The following CDO1 variants were observed in gnomAD, a reference collection of about 807,000 sequenced individuals.
CDO1 encodes cysteine dioxygenase, type I.
CDO1 carries 19 observed loss-of-function variants against 24.5 expected under a neutral mutation model. The ratio of observed to expected loss-of-function variants is 0.77; its 90% CI spans 0.54 to 1.14. The LOEUF (loss-of-function observed/expected upper bound fraction) is 1.14, where lower values mean the gene tolerates loss of function less well. Among genes scored for constraint, CDO1 ranks in the 50% most tolerant of loss-of-function variants. The probability of loss-of-function intolerance (pLI) is 0.00; values close to 1 mark genes in which losing one functional copy is unlikely to be tolerated. For missense variants in CDO1, 244 were observed against 244.8 expected, an observed-to-expected ratio of 1.00 and a Z score of 0.02; for synonymous variants, 91 against 87.0, an observed-to-expected ratio of 1.05 and a Z score of -0.26.
In CDO1 at chr5:115,811,240, G is replaced by T; in HGVS notation, c.324C>A (p.Ala108=). The change falls in exon 3 of 5, where the codon GCC becomes GCA. Residue 108 remains alanine (A), a synonymous_variant. Transcript: ENST00000250535. ...TCTCATTGGATTTTTTGTCAGGCCA[G>T]GCAAATAATGTCTCCTTTAGATTTC... ...LQGNLKETLF[A]WPDKKSNEMV... 1 of 1,613,446 alleles carries T rather than the reference G, an allele frequency of 6.2e-7. No homozygotes were observed. Among genetic ancestry groups the T allele is most frequent in the Non-Finnish European group, 8.5e-7 (1 of 1,179,468 alleles).
At chr5:115,810,178 T>C (rs757723456) in intron 3 of CDO1, among the ~76,000 whole-genome samples, 4 of 152,308 alleles carry the variant, frequency 2.6e-5, no homozygotes, top group Admixed American at 1.3e-4. Flanking sequence ...GCCTTATAGA[T>C]AGCAACCCTC....
intron 2 of CDO1, among the ~76,000 whole-genome samples, chr5:115,812,139 C>A (rs1306220888): frequency 6.6e-6 from 1 of 152,106 alleles, no homozygotes; most frequent in African/African-American, 2.4e-5. Flanking sequence ...AGTCTAGTCC[C>A]ACTCTGGACA....
At chr5:115,815,800 G>C (rs1035197537) in intron 1 of CDO1, among the ~76,000 whole-genome samples, 3 of 152,218 alleles carry the variant, frequency 2.0e-5, no homozygotes, top group Non-Finnish European at 4.4e-5. Context: ...TAAGGTGTCA[G>C]GAGGGCCCGA....
intron 3 of CDO1, among the ~76,000 whole-genome samples, chr5:115,806,826 G>A (rs748546080): frequency 1.3e-5 from 2 of 152,156 alleles, no homozygotes; most frequent in Non-Finnish European, 2.9e-5. Flanking sequence ...GCTTTACAGA[G>A]CAGAGAAAGC....
At chr5:115,815,963 C>A (rs896214634) in intron 1 of CDO1, among the ~76,000 whole-genome samples, 3 of 152,244 alleles carry the variant, frequency 2.0e-5, no homozygotes, top group African/African-American at 4.8e-5. Flanking sequence ...CGCAGACGCG[C>A]GGTGGCCTCC....
In CDO1 at chr5:115,806,335, G is replaced by A. The variant is rs186288688; in HGVS notation, c.573+14C>T. On this transcript the variant is annotated intron_variant, in intron 4 of 4. Transcript: ENST00000250535. The stretch of plus-strand genomic sequence containing the variant: ...ACCTACAGAGCATTTAAACCTAGAA[G>A]AAATTATACTCACATTTGGAGTTCT... 3.4e-4 allele frequency: 535 copies of A among 1,587,370 alleles called. No homozygotes were observed. Among genetic ancestry groups the A allele is most frequent in the Middle Eastern group, 2.5e-3 (15 of 5,972 alleles).
At chr5:115,811,625 T>C (rs1055279664) in intron 2 of CDO1, among the ~76,000 whole-genome samples, 8 of 152,214 alleles carry the variant, frequency 5.3e-5, no homozygotes, top group Non-Finnish European at 1.0e-4. Context: ...CAACACTTTA[T>C]CTTCCCCCAA....
chr5:115,813,426 C>A (rs570226434), intron 1 of CDO1, among the ~76,000 whole-genome samples, 168 bp from the exon 2 acceptor site: 2 of 152,228 alleles, frequency 1.3e-5, no homozygotes, highest in South Asian at 4.1e-4. Context: ...ATGAAAAATC[C>A]TTTTTCACAG....
chr5:115,808,729 AAAACAAAAC>A (rs1233646475), intron 3 of CDO1, among the ~76,000 whole-genome samples: 1 of 145,106 alleles, frequency 6.9e-6, no homozygotes, highest in East Asian at 1.9e-4. Context: ...ACACAAAAAC[AAAACAAAAC>A]AAACAAAACA....
chr5:115,814,637 G>C (rs4920894), intron 1 of CDO1, among the ~76,000 whole-genome samples: 17,460 of 152,146 alleles, frequency 0.11, 3,184 homozygotes, highest in African/African-American at 0.38. Flanking sequence ...CACTTCAAAA[G>C]CTTTAGAGTT....
At position 115,808,141 on chromosome 5, in the gene CDO1, G is replaced by C. The variant is rs11949742; in HGVS notation, c.404-1623C>G. 9.8e-3 allele frequency among the ~76,000 whole-genome samples: 1,490 copies of C among 152,200 alleles called. 32 individuals carry two copies. The highest frequency in any genetic ancestry group is 0.034 in the African/African-American group (1,416 of 41,498). Reference sequence around the variant, plus strand: ...CTACAGGCACCTGCCACCATGCCCAGCTAATTTTTGTATTTTTGGTAGAGA... The same window carrying C: ...CTACAGGCACCTGCCACCATGCCCACCTAATTTTTGTATTTTTGGTAGAGA... On this transcript the variant is annotated intron_variant, in intron 3 of 4. Transcript: ENST00000250535.
chr5:115,812,837 C>T (rs1760247030), intron 2 of CDO1, among the ~76,000 whole-genome samples: 1 of 151,954 alleles, frequency 6.6e-6, no homozygotes, highest in Admixed American at 6.6e-5. Flanking sequence ...CACCTGAGGT[C>T]AGGAGTTCGA....
At chr5:115,816,057 G>T (rs1305901041) in intron 1 of CDO1, among the ~76,000 whole-genome samples, 171 bp downstream of exon 1, 1 of 152,222 alleles carries the variant, frequency 6.6e-6, no homozygotes, top group Non-Finnish European at 1.5e-5. Flanking sequence ...TGGCCGCGGA[G>T]CCCCAAGCGA....
intron 3 of CDO1, among the ~76,000 whole-genome samples, chr5:115,808,224 C>G (rs1760035036): frequency 6.6e-6 from 1 of 152,166 alleles, no homozygotes. Context: ...AGCAATTCTT[C>G]CATCTTAGCC....
chr5:115,810,813 A>G (rs1028243814), intron 3 of CDO1, among the ~76,000 whole-genome samples: 1 of 152,210 alleles, frequency 6.6e-6, no homozygotes, highest in Non-Finnish European at 1.5e-5. Context: ...TAGTTACAGA[A>G]CATTTTGTTC....
At position 115,805,412 on chromosome 5, in the gene CDO1, C is replaced by G. The variant is rs1759900015; in HGVS notation, c.*21G>C. 2 of 1,612,502 alleles carry G rather than the reference C, an allele frequency of 1.2e-6. No homozygotes were observed. Among genetic ancestry groups the G allele is most frequent in the African/African-American group, 2.7e-5 (2 of 74,902 alleles). On this transcript the variant is annotated 3_prime_UTR_variant, in exon 5 of 5. Coordinates refer to ENST00000250535, the MANE Select transcript of CDO1 (RefSeq NM_001801.3). ...ACATACAGCGAACCTTAAAGTAAAA[C>G]CTCAGAGGGTTTGGTGCCCCTTAGT...
chr5:115,810,757 T>C (rs1459656374), intron 3 of CDO1, among the ~76,000 whole-genome samples: 1 of 152,232 alleles, frequency 6.6e-6, no homozygotes, highest in Non-Finnish European at 1.5e-5. Context: ...TTTTTAGGTA[T>C]GCTATATGTA....
chr5:115,806,834 A>G lies in CDO1; in HGVS notation c.404-316T>C, dbSNP rs113070686. ...ATGGATAGCTTTACAGAGCAGAGAA[A>G]GCTAAATCCTAAGCTATCCATGGAG... On this transcript the variant is annotated intron_variant, in intron 3 of 4. Coordinates refer to ENST00000250535, the MANE Select transcript of CDO1 (RefSeq NM_001801.3). Among the ~76,000 whole-genome samples, 468 of 152,360 alleles carry G rather than the reference A, an allele frequency of 3.1e-3. 5 individuals are homozygous for G. Among genetic ancestry groups the G allele is most frequent in the African/African-American group, 0.011 (446 of 41,596 alleles).
At position 115,806,454 on chromosome 5, in the gene CDO1, C is replaced by T; in HGVS notation, c.468G>A (p.Leu156=). The stretch of plus-strand genomic sequence containing the variant: ...GGCATGTATCAAAAGGTGGACTGTA[C>T]AAGTGAAGGCTCACAGCAGGTTCCG... The part of the protein sequence containing the change: ...SHTEPAVSLH[L]YSPPFDTCHA... Residue 156 remains leucine, a synonymous_variant, in exon 4 of 5, where the codon TTG becomes TTA. Transcript: ENST00000250535. The T allele has an allele frequency of 1.2e-6, 2 of 1,611,738 alleles. No homozygotes were observed. Among genetic ancestry groups the T allele is most frequent in the Non-Finnish European group, 1.7e-6 (2 of 1,179,108 alleles).
Sources: allele counts gnomAD v4.1 joint callset (sites outside exome capture counted in the v4.1 genomes callset), GRCh38; gene constraint gnomAD v4.1.1; transcripts MANE v1.5; gene names NCBI Gene and HGNC (gene_info 2026-07-23, HGNC 2026-07-21).